Variants in OPCML observed in about 807,000 individuals in gnomAD.
OPCML encodes the protein opioid-binding protein/cell adhesion molecule.
A neutral mutation model predicts 37.8 loss-of-function variants in OPCML; 13 were observed. The ratio of observed to expected loss-of-function variants is 0.34; its 90% confidence interval spans 0.22 to 0.55. OPCML has a LOEUF of 0.55. Ranked by LOEUF, OPCML falls within the 20% of genes least tolerant of loss-of-function variation. The pLI is 0.91. For missense variants in OPCML, 341 were observed against 435.6 expected (o/e 0.78, Z 1.93); for synonymous variants, 176 against 168.8 (o/e 1.04, Z -0.33).
intron 3 of OPCML, among the ~76,000 whole-genome samples, chr11:132,626,804 AG>A (rs61479538): frequency 1 from 150,792 of 150,826 alleles, 75,379 homozygotes; most frequent in Middle Eastern, 1. Flanking sequence ...ACGGTTTTAA[AG>A]GGAAGTTTCT....
At chr11:132,914,024 C>G (rs1944519251) in intron 2 of OPCML, among the ~76,000 whole-genome samples, 1 of 152,222 alleles carries the variant, frequency 6.6e-6, no homozygotes, top group African/African-American at 2.4e-5. Flanking sequence ...TGAAGGACAA[C>G]TTGATTGTCT....
At chr11:132,963,678 A>C (rs892780682) in intron 1 of OPCML, among the ~76,000 whole-genome samples, 16 of 152,096 alleles carry the variant, frequency 1.1e-4, no homozygotes, top group Non-Finnish European at 2.2e-4. Flanking sequence ...GAGGAAGAGA[A>C]AAGTGAGGGA....
At chr11:133,345,062 T>C (rs1943964761) in intron 1 of OPCML, among the ~76,000 whole-genome samples, 1 of 152,166 alleles carries the variant, frequency 6.6e-6, no homozygotes, top group South Asian at 2.1e-4. Context: ...GACCATCACA[T>C]TGATCTCAAA....
intron 1 of OPCML, among the ~76,000 whole-genome samples, chr11:132,959,864 C>T (rs1946055271): frequency 6.6e-6 from 1 of 152,206 alleles, no homozygotes; most frequent in Non-Finnish European, 1.5e-5. Context: ...ATAGTAATCT[C>T]AATTGTTCTT....
chr11:132,815,226 C>T (rs1191024017), intron 2 of OPCML, among the ~76,000 whole-genome samples: 2 of 152,152 alleles, frequency 1.3e-5, no homozygotes, highest in African/African-American at 4.8e-5. Flanking sequence ...ATGCCTTTCC[C>T]TTTTTGATGA....
intron 1 of OPCML, among the ~76,000 whole-genome samples, chr11:133,518,881 T>A (rs1948345748): frequency 6.6e-6 from 1 of 151,942 alleles, no homozygotes; most frequent in Non-Finnish European, 1.5e-5. Flanking sequence ...GCCCGCCCCC[T>A]AGGGTTCTGC....
In OPCML at chr11:133,141,033, C is replaced by CGAAGAAGAA. The variant is rs1399038604; in HGVS notation, c.62-198024_62-198023insTTCTTCTTC. Among the ~76,000 whole-genome samples, 9 of 5,388 alleles carry CGAAGAAGAA rather than the reference C, an allele frequency of 1.7e-3. 2 individuals carry two copies. Among genetic ancestry groups the CGAAGAAGAA allele is most frequent in the Non-Finnish European group, 2.0e-3 (3 of 1,464 alleles). The allele number at this position is 5,388 out of a possible 152,430, so 3.5% of individuals were successfully genotyped here. Reference sequence around the variant, plus strand: ...ACGACGACGACGACGACGACGACGACGACGACGACGACGACGAAGAAGAAG... The same window carrying CGAAGAAGAA: ...ACGACGACGACGACGACGACGACGACGAAGAAGAAGACGACGACGACGACGAAGAAGAAG... On this transcript the variant is annotated intron_variant, in intron 1 of 7. Coordinates refer to ENST00000524381, the MANE Select transcript of OPCML (RefSeq NM_001012393.5).
At chr11:132,592,274 T>G (rs560756592) in intron 3 of OPCML, among the ~76,000 whole-genome samples, 14 of 152,134 alleles carry the variant, frequency 9.2e-5, no homozygotes, top group Admixed American at 9.2e-4. Flanking sequence ...GTGGAGGCAT[T>G]GTGAGAGATG....
At chr11:133,487,154 A>G (rs1947546399) in intron 1 of OPCML, among the ~76,000 whole-genome samples, 1 of 152,124 alleles carries the variant, frequency 6.6e-6, no homozygotes, top group Non-Finnish European at 1.5e-5. Context: ...TTGCAAATCA[A>G]ATCATTCTCT....
intron 2 of OPCML, among the ~76,000 whole-genome samples, chr11:132,666,960 C>T (rs1211097045): frequency 6.6e-6 from 1 of 152,204 alleles, no homozygotes; most frequent in Non-Finnish European, 1.5e-5. Flanking sequence ...GGGACCATTG[C>T]ATCCCTATAG....
At chr11:133,427,424 G>A (rs1404799661) in intron 1 of OPCML, among the ~76,000 whole-genome samples, 8 of 122,736 alleles carry the variant, frequency 6.5e-5, no homozygotes, top group African/African-American at 2.1e-4. Flanking sequence ...CGGGGGTGGG[G>A]GGGCGGGGTT....
chr11:132,447,742 C>T (rs2096059146), intron 4 of OPCML, among the ~76,000 whole-genome samples: 2 of 152,252 alleles, frequency 1.3e-5, no homozygotes, highest in South Asian at 4.1e-4. Context: ...CTACTGGTGA[C>T]ATCTTACTCT....
intron 3 of OPCML, among the ~76,000 whole-genome samples, chr11:132,642,452 A>AC (rs1166104625): frequency 1.5e-4 from 23 of 152,218 alleles, no homozygotes; most frequent in Non-Finnish European, 2.9e-5. Flanking sequence ...ACACATGTTC[A>AC]CATGTATTAA....
At chr11:133,446,118 G>A (rs1306749694) in intron 1 of OPCML, among the ~76,000 whole-genome samples, 1 of 152,090 alleles carries the variant, frequency 6.6e-6, no homozygotes, top group Non-Finnish European at 1.5e-5. Flanking sequence ...TGCTTACTGG[G>A]TCTGTAGGAG....
chr11:132,917,259 C>G (rs1944638638), intron 2 of OPCML, among the ~76,000 whole-genome samples: 1 of 152,206 alleles, frequency 6.6e-6, no homozygotes, highest in African/African-American at 2.4e-5. Context: ...TCTGTGGAGT[C>G]ATCAAGGGAC....
intron 1 of OPCML, among the ~76,000 whole-genome samples, chr11:133,232,114 T>C (rs554398477): frequency 2.6e-5 from 4 of 152,316 alleles, no homozygotes; most frequent in Admixed American, 6.5e-5. Context: ...AACCTCACCA[T>C]ATGCCCCCAT....
intron 2 of OPCML, among the ~76,000 whole-genome samples, chr11:132,877,624 G>T (rs1174002853): frequency 6.6e-6 from 1 of 152,158 alleles, no homozygotes; most frequent in Non-Finnish European, 1.5e-5. Context: ...CCTAGCTGGA[G>T]GTTTCAAGTC....
intron 2 of OPCML, among the ~76,000 whole-genome samples, chr11:132,718,950 C>T (rs1005425918): frequency 6.6e-6 from 1 of 152,212 alleles, no homozygotes; most frequent in African/African-American, 2.4e-5. Context: ...AAGTGAGAGA[C>T]AGAAGCATAG....
At chr11:133,293,895 C>CAA (rs796266673) in intron 1 of OPCML, among the ~76,000 whole-genome samples, 1,843 of 7,560 alleles carry the variant, frequency 0.24, 35 homozygotes, top group African/African-American at 0.37. Context: ...AAAAAGACTT[C>CAA]ACACACACAC....
Sources: allele counts gnomAD v4.1 joint callset (sites outside exome capture counted in the v4.1 genomes callset), GRCh38; gene constraint gnomAD v4.1.1; transcripts MANE v1.5; gene names NCBI Gene and HGNC (gene_info 2026-07-23, HGNC 2026-07-21).